Variants in KIAA1549 observed in about 807,000 individuals in gnomAD.
KIAA1549 encodes KIAA1549.
A neutral mutation model predicts 156.4 loss-of-function variants in KIAA1549; 70 were observed. That is an observed-to-expected ratio of 0.45 (90% CI 0.37 to 0.55). KIAA1549 has a LOEUF of 0.55. Ranked by LOEUF, KIAA1549 falls within the 20% of genes least tolerant of loss-of-function variation. The probability of loss-of-function intolerance (pLI) is 0.00; values close to 1 mark genes in which losing one functional copy is unlikely to be tolerated. For missense variants in KIAA1549, 2,428 were observed against 2,540.9 expected (o/e 0.96, Z 0.96); for synonymous variants, 1,103 against 1,066.4 (o/e 1.03, Z -0.67).
chr7:138,914,425 C>T (rs749982751), intron 2 of KIAA1549, among the ~76,000 whole-genome samples: 1 of 152,178 alleles, frequency 6.6e-6, no homozygotes, highest in Non-Finnish European at 1.5e-5. Context: ...GGTGGAAGCG[C>T]GGCTCATGCC....
At chr7:138,950,654 T>C (rs1379751723) in intron 1 of KIAA1549, among the ~76,000 whole-genome samples, 1 of 152,242 alleles carries the variant, frequency 6.6e-6, no homozygotes, top group African/African-American at 2.4e-5. Flanking sequence ...GCATCTTCCA[T>C]GCTGCTTCCA....
intron 1 of KIAA1549, among the ~76,000 whole-genome samples, chr7:138,928,132 AG>A (rs1173097069): frequency 2.0e-5 from 3 of 151,564 alleles, no homozygotes. Context: ...AGTGTAAGCC[AG>A]GATGGTCTCA....
intron 8 of KIAA1549, among the ~76,000 whole-genome samples, chr7:138,899,403 GGCT>G (rs1405156438): frequency 1.3e-5 from 2 of 152,100 alleles, no homozygotes; most frequent in East Asian, 3.9e-4. Flanking sequence ...ACAGAACCAG[GGCT>G]GGCGAGTCCA....
chr7:138,878,110 A>G (rs896465680), intron 12 of KIAA1549, among the ~76,000 whole-genome samples: 12 of 152,232 alleles, frequency 7.9e-5, no homozygotes, highest in African/African-American at 2.4e-4. Context: ...AACCACATCC[A>G]AAGAAAAAAC....
At chr7:138,873,705 C>T (rs897745124) in intron 12 of KIAA1549, among the ~76,000 whole-genome samples, 5 of 151,840 alleles carry the variant, frequency 3.3e-5, no homozygotes, top group African/African-American at 1.2e-4. Context: ...GCCCGGCTCA[C>T]CCCCTCCCAC....
chr7:138,919,475 T>C (rs1338415224), intron 1 of KIAA1549, 37 bp from the exon 2 acceptor site: 7 of 1,581,438 alleles, frequency 4.4e-6, no homozygotes, highest in South Asian at 3.5e-5. Flanking sequence ...GTGCAATGCA[T>C]TGGAAGTCAC....
At chr7:138,869,142 G>A (rs537141361) in intron 14 of KIAA1549, among the ~76,000 whole-genome samples, 45 of 152,326 alleles carry the variant, frequency 3.0e-4, no homozygotes, top group African/African-American at 1.1e-3. Flanking sequence ...TGAAAATATT[G>A]GAGGTGACAG....
In KIAA1549 at chr7:138,832,037, C is replaced by T. The variant is rs1809547201; in HGVS notation, c.*5869G>A. ...GGCCCTGTACTATTCCCAACTTGTA[C>T]ACTTAGGGAGTCAAGTTATGAATAC... On this transcript the variant is annotated 3_prime_UTR_variant, in exon 20 of 20. Coordinates refer to ENST00000422774, the MANE Select transcript of KIAA1549 (RefSeq NM_001164665.2). 1 of 231,468 alleles carries T rather than the reference C, an allele frequency of 4.3e-6. No individual in the cohort carries two copies. The highest frequency in any genetic ancestry group is 8.5e-6 in the Non-Finnish European group (1 of 117,060). The allele number at this position is 231,468 out of a possible 1,614,324, so 14.3% of individuals were successfully genotyped here.
intron 1 of KIAA1549, among the ~76,000 whole-genome samples, chr7:138,952,734 A>G (rs945714768): frequency 9.9e-5 from 15 of 152,232 alleles, no homozygotes; most frequent in African/African-American, 3.6e-4. Flanking sequence ...ATTACTTGTT[A>G]CTTTGTGATA....
intron 16 of KIAA1549, among the ~76,000 whole-genome samples, chr7:138,855,151 A>G (rs954446778): frequency 2.0e-5 from 3 of 152,188 alleles, no homozygotes; most frequent in Non-Finnish European, 4.4e-5. Flanking sequence ...AGAGAGAAGT[A>G]ACAATCAGAG....
At chr7:138,895,115 G>C (rs1811647263) in intron 9 of KIAA1549, among the ~76,000 whole-genome samples, 1 of 152,224 alleles carries the variant, frequency 6.6e-6, no homozygotes, top group Non-Finnish European at 1.5e-5. Context: ...GACACAGTTT[G>C]TAAGCTGGGA....
intron 12 of KIAA1549, among the ~76,000 whole-genome samples, chr7:138,874,381 T>C (rs190881889): frequency 6.6e-6 from 1 of 152,254 alleles, no homozygotes; most frequent in East Asian, 1.9e-4. Flanking sequence ...GGTAAGAGAG[T>C]AGATTTTAAG....
chr7:138,981,193 C>T lies in KIAA1549; in HGVS notation c.77G>A (p.Gly26Glu), dbSNP rs1410226945. The T allele has an allele frequency of 1.8e-6, 2 of 1,085,348 alleles. No homozygotes were observed. Among genetic ancestry groups the T allele is most frequent in the Non-Finnish European group, 1.1e-6 (1 of 896,184 alleles). The allele number at this position is 1,085,348 out of a possible 1,614,324, so 67.2% of individuals were successfully genotyped here. Residue 26 changes from glycine (G) to glutamate (E), a missense_variant, in exon 1 of 20, where the codon GGG becomes GAG. By Grantham distance (98) the Gly-to-Glu change is moderately conservative. Transcript: ENST00000422774. This position sits in a 1 kb window ranked among gnomAD's most constrained non-coding sequence, Gnocchi z 4.5. ...GGCGGAAGGCCGTCGGCCGCTCGGC[C>T]CCGGGGCCAGCGCGACCCCGGCGCG... ...KPRAGVALAP[G>E]PSGRRPSARC...
chr7:138,913,461 A>G (rs1000272163), intron 2 of KIAA1549, among the ~76,000 whole-genome samples: 1 of 152,176 alleles, frequency 6.6e-6, no homozygotes, highest in Non-Finnish European at 1.5e-5. Context: ...GTATTTAGTA[A>G]GCGTGTTCTT....
rs1554418680 is a variant in KIAA1549, at chr7:138,903,864, C to CGCGT, written c.3521-129_3521-128insACGC. On this transcript the variant is annotated intron_variant, in intron 7 of 19. Coordinates refer to ENST00000422774, the MANE Select transcript of KIAA1549 (RefSeq NM_001164665.2). The stretch of plus-strand genomic sequence containing the variant: ...GTGTGTGTGTGTGTGCGCGCGCGCG[C>CGCGT]GCGCGCACATATGTATTTGAAATTA... 4.8e-6 allele frequency: 3 copies of CGCGT among 627,696 alleles called. No homozygotes were observed. In the African/African-American group the frequency reaches 6.3e-5, roughly 13 times the overall value. 38.9% of individuals were successfully genotyped at this position (627,696 alleles called of 1,614,324 possible).
chr7:138,898,733 C>G (rs1165895722), intron 9 of KIAA1549, among the ~76,000 whole-genome samples: 1 of 152,192 alleles, frequency 6.6e-6, no homozygotes, highest in Admixed American at 6.5e-5. Flanking sequence ...AACACCCCAC[C>G]TACAAAATGC....
At chr7:138,959,039 G>A (rs1813758291) in intron 1 of KIAA1549, among the ~76,000 whole-genome samples, 1 of 151,974 alleles carries the variant, frequency 6.6e-6, no homozygotes, top group South Asian at 2.1e-4. Flanking sequence ...AGCTGGGATT[G>A]CAGGCGCCCA....
chr7:138,848,143 T>C (rs779495587), intron 17 of KIAA1549, among the ~76,000 whole-genome samples: 1 of 152,254 alleles, frequency 6.6e-6, no homozygotes, highest in Non-Finnish European at 1.5e-5. Flanking sequence ...AATTACATCA[T>C]CTGTGAATAA....
At chr7:138,926,410 G>A (rs1812721495) in intron 1 of KIAA1549, among the ~76,000 whole-genome samples, 1 of 151,918 alleles carries the variant, frequency 6.6e-6, no homozygotes, top group South Asian at 2.1e-4. Flanking sequence ...TCAGCCTCCA[G>A]AGCAGCTGGG....
Sources: allele counts gnomAD v4.1 joint callset (sites outside exome capture counted in the v4.1 genomes callset), GRCh38; gene constraint gnomAD v4.1.1; non-coding constraint Gnocchi (gnomAD v3.1); transcripts MANE v1.5; gene names NCBI Gene and HGNC (gene_info 2026-07-23, HGNC 2026-07-21).